Variants in LAMA3 observed in about 807,000 individuals in gnomAD.
LAMA3 encodes the protein laminin subunit alpha 3.
Under a neutral mutation model 402.0 loss-of-function variants are expected in LAMA3, and 281 were observed. That is an observed-to-expected ratio of 0.70 (90% CI 0.63 to 0.77). The LOEUF (loss-of-function observed/expected upper bound fraction) is 0.77, where lower values mean the gene tolerates loss of function less well. Ranked by LOEUF, LAMA3 falls within the 30% of genes least tolerant of loss-of-function variation. LAMA3 has a pLI of 0.00. For synonymous variants in LAMA3, 1,431 were observed against 1,558.4 expected (o/e 0.92, Z 1.93); for missense variants, 3,840 against 4,215.5 (o/e 0.91, Z 2.47).
At chr18:23,855,716 C>T (rs2064061869) in intron 32 of LAMA3, among the ~76,000 whole-genome samples, 1 of 152,116 alleles carries the variant, frequency 6.6e-6, no homozygotes, top group Non-Finnish European at 1.5e-5. Context: ...CGATCCTCTC[C>T]CAGAGTTTAC....
intron 2 of LAMA3, among the ~76,000 whole-genome samples, chr18:23,744,397 T>C (rs988481494): frequency 3.3e-5 from 5 of 152,160 alleles, no homozygotes; most frequent in Non-Finnish European, 2.9e-5. Flanking sequence ...AAAAGTGGCA[T>C]GTTCTAGCTA....
At chr18:23,903,910 C>A in intron 49 of LAMA3, 23 bp from the exon 50 acceptor site, 1 of 1,587,140 alleles carries the variant, frequency 6.3e-7, no homozygotes, top group Non-Finnish European at 8.6e-7. Flanking sequence ...TTTATACTGT[C>A]TTTGTTTATT....
At chr18:23,758,277 C>G in intron 6 of LAMA3, 119 bp from the exon 7 acceptor site, 1 of 740,656 alleles carries the variant, frequency 1.4e-6, no homozygotes, top group Non-Finnish European at 2.5e-6. Context: ...CTCCTAATTC[C>G]TCAATGAATG....
chr18:23,747,672 T>C (rs1470619776), intron 2 of LAMA3, among the ~76,000 whole-genome samples: 1 of 152,030 alleles, frequency 6.6e-6, no homozygotes, highest in Non-Finnish European at 1.5e-5. Context: ...CTGGTTGCAA[T>C]GGAATGGCAT....
chr18:23,898,705 G>A (rs767608900), intron 44 of LAMA3, 33 bp from the exon 45 acceptor site: 1 of 1,174,734 alleles, frequency 8.5e-7, no homozygotes, highest in Non-Finnish European at 1.3e-6. Flanking sequence ...TCTTTATACT[G>A]TAAAGTGACA....
Position 23,918,726 on chromosome 18 carries a change from T to A in LAMA3, c.7923+2031T>A, listed in dbSNP as rs2081729029. On this transcript the variant is annotated intron_variant, in intron 60 of 74. Transcript: ENST00000313654. This position sits in a 1 kb window ranked among gnomAD's most constrained non-coding sequence, Gnocchi z 4.1. ...TGAATAGGAGCTTCTGTAGTTGCTC[T>A]CACGGAGTATTTCTGAAGAAATGTG... Among the ~76,000 whole-genome samples the A allele has an allele frequency of 6.6e-6, 1 of 152,222 alleles. No individual in the cohort carries two copies. The highest frequency in any genetic ancestry group is 1.5e-5 in the Non-Finnish European group (1 of 68,034).
At chr18:23,740,249 C>T (rs1035580090) in intron 2 of LAMA3, among the ~76,000 whole-genome samples, 2 of 152,188 alleles carry the variant, frequency 1.3e-5, no homozygotes, top group African/African-American at 4.8e-5. Flanking sequence ...AGTTTGGTCT[C>T]AAGTTCTGCA....
In LAMA3 at chr18:23,946,295, A is replaced by G. The variant is rs1431903300; in HGVS notation, c.9351+11A>G. On this transcript the variant is annotated intron_variant, in intron 70 of 74. Transcript: ENST00000313654. The stretch of plus-strand genomic sequence containing the variant: ...TCAGGGAAACCAAAGGTAAATAGTT[A>G]TGTTCAGAGCCATGGACAGAAACAA... 1 of 1,613,690 alleles carries G rather than the reference A, an allele frequency of 6.2e-7. No homozygotes were observed. Among genetic ancestry groups the G allele is most frequent in the Non-Finnish European group, 8.5e-7 (1 of 1,179,556 alleles).
At chr18:23,718,334 G>A (rs1280545943) in intron 2 of LAMA3, among the ~76,000 whole-genome samples, 1 of 152,158 alleles carries the variant, frequency 6.6e-6, no homozygotes, top group Non-Finnish European at 1.5e-5. Flanking sequence ...ATGAGGAGGT[G>A]GGTGCGGAGG....
Position 23,918,600 on chromosome 18 carries a change from C to G in LAMA3, c.7923+1905C>G, listed in dbSNP as rs1462658698. ...ATTAGGTTAGAAAAGTCCAAAGTGA[C>G]ACTCTACAAGTGATCGTCAGCGCCA... On this transcript the variant is annotated intron_variant, in intron 60 of 74. Transcript: ENST00000313654. The surrounding 1 kb of genome is among the most constrained non-coding windows in gnomAD (Gnocchi z 4.1). Among the ~76,000 whole-genome samples the G allele has an allele frequency of 6.6e-6, 1 of 152,192 alleles. No individual in the cohort carries two copies. The highest frequency in any genetic ancestry group is 2.4e-5 in the African/African-American group (1 of 41,448).
At chr18:23,730,149 G>A (rs1202257472) in intron 2 of LAMA3, among the ~76,000 whole-genome samples, 3 of 152,142 alleles carry the variant, frequency 2.0e-5, no homozygotes, top group Non-Finnish European at 4.4e-5. Flanking sequence ...AAGCATAGGG[G>A]CAAATGTATG....
intron 24 of LAMA3, among the ~76,000 whole-genome samples, chr18:23,836,150 G>A (rs1352497701): frequency 6.6e-6 from 1 of 150,594 alleles, no homozygotes; most frequent in Non-Finnish European, 1.5e-5. Flanking sequence ...CACTCACATA[G>A]GGGAGTGAGA....
At chr18:23,776,017 G>C in intron 10 of LAMA3, 94 bp downstream of exon 10, 6 of 1,385,728 alleles carry the variant, frequency 4.3e-6, no homozygotes, top group Non-Finnish European at 5.1e-6. Context: ...AGGTAGGGAA[G>C]GAGAGACAGA....
chr18:23,836,106 T>TACAC (rs10569981), intron 24 of LAMA3, among the ~76,000 whole-genome samples: 2,683 of 148,124 alleles, frequency 0.018, 68 homozygotes, highest in African/African-American at 0.062. Context: ...TTTTAATGGA[T>TACAC]ACACACACAC....
chr18:23,904,687 C>T lies in LAMA3; in HGVS notation c.6608C>T (p.Ala2203Val), dbSNP rs770516769. Residue 2203 changes from alanine (A) to valine (V), a missense_variant, in exon 51 of 75, where the codon GCC (alanine) becomes GTC (valine). Ala to Val is a moderately conservative substitution (Grantham distance 64, BLOSUM62 0). Around this residue, in one of 3 missense-constraint regions of LAMA3, gnomAD observed 891 missense variants for 857.5 expected, o/e 1.04. Transcript: ENST00000313654. ...ANRAASASES[A>V]LQTVIKEDLP... ...AGGGCTGCCAGTGCATCTGAATCTGCCCTCCAGGTGGGCACCTGTACCAGC... is the reference window on the plus strand; with the variant it reads ...AGGGCTGCCAGTGCATCTGAATCTGTCCTCCAGGTGGGCACCTGTACCAGC... The T allele has an allele frequency of 3.1e-6, 5 of 1,613,914 alleles. No homozygotes were observed. Among genetic ancestry groups the T allele is most frequent in the Non-Finnish European group, 3.4e-6 (4 of 1,180,010 alleles).
At position 23,689,954 on chromosome 18, in the gene LAMA3, C is replaced by A; in HGVS notation, c.271C>A (p.Pro91Thr). The A allele has an allele frequency of 6.6e-7, 1 of 1,518,384 alleles. No individual in the cohort carries two copies. Among genetic ancestry groups the A allele is most frequent in the Non-Finnish European group, 8.8e-7 (1 of 1,132,686 alleles). 94.1% of individuals were successfully genotyped at this position (1,518,384 alleles called of 1,614,324 possible). ...CAAGTTGGTCGGGGGCCCCACCGCC[C>A]CAGGCAGCGGCCACACCATCCAGGT... Reference protein sequence around the residue: ...YCKLVGGPTAPGSGHTIQGQF... With the variant: ...YCKLVGGPTATGSGHTIQGQF... The change falls in exon 1 of 75, where the codon CCA becomes ACA. Residue 91 changes from proline (P) to threonine (T), a missense_variant. Transcript: ENST00000313654.
At chr18:23,802,677 C>G (rs1270412188) in intron 12 of LAMA3, among the ~76,000 whole-genome samples, 1 of 152,182 alleles carries the variant, frequency 6.6e-6, no homozygotes, top group Non-Finnish European at 1.5e-5. Context: ...TCCTCTGGAA[C>G]TAAGACCTCT....
At chr18:23,769,979 T>G (rs1445506665) in intron 8 of LAMA3, among the ~76,000 whole-genome samples, 1 of 152,174 alleles carries the variant, frequency 6.6e-6, no homozygotes, top group East Asian at 1.9e-4. Context: ...AAGTAAACTT[T>G]AAGACAAAGA....
At chr18:23,733,545 G>C (rs942659547) in intron 2 of LAMA3, among the ~76,000 whole-genome samples, 1 of 152,158 alleles carries the variant, frequency 6.6e-6, no homozygotes, top group Non-Finnish European at 1.5e-5. Context: ...CCAGGTCCCT[G>C]CCATACAAAG....
Sources: allele counts gnomAD v4.1 joint callset (sites outside exome capture counted in the v4.1 genomes callset), GRCh38; gene constraint gnomAD v4.1.1; regional missense constraint gnomAD v4.1.1; non-coding constraint Gnocchi (gnomAD v3.1); transcripts MANE v1.5; gene names NCBI Gene and HGNC (gene_info 2026-07-23, HGNC 2026-07-21).